FANCL: variants seen among roughly 807,000 people sequenced by gnomAD.
The protein encoded by FANCL is FA complementation group L.
FANCL carries 69 observed loss-of-function variants against 59.4 expected under a neutral mutation model. The observed-to-expected ratio is 1.16, with a 90% CI of 0.96 to 1.42. The LOEUF is 1.42. Ranked by LOEUF, FANCL falls within the 40% of genes most tolerant of loss-of-function variation. The pLI is 0.00. For missense variants in FANCL, 519 were observed against 447.2 expected, an observed-to-expected ratio of 1.16 and a Z score of -1.45; for synonymous variants, 180 against 147.1, an observed-to-expected ratio of 1.22 and a Z score of -1.62.
intron 5 of FANCL, among the ~76,000 whole-genome samples, chr2:58,213,337 A>G (rs1691368917): frequency 6.6e-6 from 1 of 152,222 alleles, no homozygotes; most frequent in African/African-American, 2.4e-5. Flanking sequence ...TTAGATCAGC[A>G]GGTCCTGAAA....
At chr2:58,185,539 A>T (rs1275132380) in intron 7 of FANCL, among the ~76,000 whole-genome samples, 2 of 152,298 alleles carry the variant, frequency 1.3e-5, no homozygotes, top group South Asian at 2.1e-4. Flanking sequence ...GGCTTATTCT[A>T]CTTCCTGAAT....
At chr2:58,198,463 G>C in intron 7 of FANCL, 131 bp downstream of exon 7, 1 of 686,778 alleles carries the variant, frequency 1.5e-6, no homozygotes, top group Non-Finnish European at 2.5e-6. Context: ...ATTTATATAA[G>C]AGATTTGGGT....
intron 7 of FANCL, among the ~76,000 whole-genome samples, chr2:58,173,517 T>C (rs907292901): frequency 1.3e-5 from 2 of 152,166 alleles, no homozygotes; most frequent in African/African-American, 4.8e-5. Flanking sequence ...CAACCCAGAA[T>C]TTCATATCCA....
At chr2:58,175,870 A>G (rs1226969625) in intron 7 of FANCL, among the ~76,000 whole-genome samples, 1 of 151,930 alleles carries the variant, frequency 6.6e-6, no homozygotes, top group East Asian at 1.9e-4. Context: ...ACATGATTGT[A>G]TATCTAGAAA....
At chr2:58,172,205 T>A (rs940270250) in intron 7 of FANCL, among the ~76,000 whole-genome samples, 1 of 152,224 alleles carries the variant, frequency 6.6e-6, no homozygotes, top group Non-Finnish European at 1.5e-5. Flanking sequence ...CAGTAACCTC[T>A]GCAGACTTAA....
At chr2:58,195,099 C>G (rs1257080434) in intron 7 of FANCL, among the ~76,000 whole-genome samples, 1 of 152,106 alleles carries the variant, frequency 6.6e-6, no homozygotes, top group South Asian at 2.1e-4. Context: ...ATTTATATTG[C>G]TTGAGAGACA....
chr2:58,159,733 C>T lies in FANCL; in HGVS notation c.*32G>A, dbSNP rs907003604. 1.9e-6 allele frequency: 3 copies of T among 1,612,466 alleles called. No homozygotes were observed. In the Admixed American group the frequency reaches 5.0e-5, roughly 27 times the overall value. On this transcript the variant is annotated 3_prime_UTR_variant, in exon 14 of 14. Coordinates refer to ENST00000233741, the MANE Select transcript of FANCL (RefSeq NM_018062.4). ...TTCCTTTTGATAATTTTTTAAGTTT[C>T]CAGCTCTTCACCGAAATGTTGTATT... is the stretch of plus-strand genomic sequence containing the variant.
At chr2:58,180,202 T>A (rs1360234463) in intron 7 of FANCL, among the ~76,000 whole-genome samples, 2 of 152,122 alleles carry the variant, frequency 1.3e-5, no homozygotes, top group Non-Finnish European at 2.9e-5. Flanking sequence ...TACTGTTTGA[T>A]CCAGCAATCC....
At chr2:58,233,788 GAGAAGACTTA>G (rs1357707320) in intron 1 of FANCL, among the ~76,000 whole-genome samples, 5 of 151,976 alleles carry the variant, frequency 3.3e-5, no homozygotes, top group Non-Finnish European at 7.4e-5. Context: ...GACCTACAAA[GAGAAGACTTA>G]ATGTGCATTA....
chr2:58,208,257 A>G (rs1385800071), intron 5 of FANCL, among the ~76,000 whole-genome samples: 1 of 152,230 alleles, frequency 6.6e-6, no homozygotes. Context: ...ATTTAGAAGG[A>G]GTTTAGATAT....
At chr2:58,218,659 T>C (rs1277449186) in intron 5 of FANCL, among the ~76,000 whole-genome samples, 1 of 151,564 alleles carries the variant, frequency 6.6e-6, no homozygotes, top group Non-Finnish European at 1.5e-5. Context: ...GTATAGTTGA[T>C]AAAGTTGTCA....
At position 58,159,357 on chromosome 2, in the gene FANCL, AAGG is replaced by A. The variant is rs1443972326; in HGVS notation, c.*405_*407del. Reference sequence around the variant, plus strand: ...ATGTATTTTTTCCATAGGAAAGCACAAGGAGAAGACAGAAATATCAAGAGTCTC... The same window carrying A: ...ATGTATTTTTTCCATAGGAAAGCACAAGAAGACAGAAATATCAAGAGTCTC... On this transcript the variant is annotated 3_prime_UTR_variant, in exon 14 of 14. Transcript: ENST00000233741. 2.5e-6 allele frequency: 4 copies of A among 1,602,364 alleles called. No homozygotes were observed. The highest frequency in any genetic ancestry group is 3.4e-6 in the Non-Finnish European group (4 of 1,176,038).
At chr2:58,181,552 C>T (rs848282) in intron 7 of FANCL, among the ~76,000 whole-genome samples, 108,831 of 151,940 alleles carry the variant, frequency 0.72, 40,095 homozygotes, top group African/African-American at 0.9. Context: ...GTATGCATGC[C>T]GATGACATAT....
intron 1 of FANCL, among the ~76,000 whole-genome samples, chr2:58,232,423 A>C (rs1693672362): frequency 6.6e-6 from 1 of 152,108 alleles, no homozygotes; most frequent in Non-Finnish European, 1.5e-5. Flanking sequence ...GGCCCATAGA[A>C]GAAATTTCAG....
chr2:58,241,074 T>G lies in FANCL; in HGVS notation c.96+144A>C, dbSNP rs1478826999. 8 of 813,484 alleles carry G rather than the reference T, an allele frequency of 9.8e-6. No homozygotes were observed. In the African/African-American group the frequency reaches 1.0e-4, roughly 10 times the overall value. The allele number at this position is 813,484 out of a possible 1,614,324, so 50.4% of individuals were successfully genotyped here. On this transcript the variant is annotated intron_variant, in intron 1 of 13. Transcript: ENST00000233741. ...CGGCGACAGCGGCGCTTCTCAAACC[T>G]TTAGTCTCCCAAGAGCCGTTACGCG...
At chr2:58,193,894 G>A (rs1489102650) in intron 7 of FANCL, among the ~76,000 whole-genome samples, 2 of 152,126 alleles carry the variant, frequency 1.3e-5, no homozygotes, top group East Asian at 3.8e-4. Flanking sequence ...TATGTGACTT[G>A]TCTGAATAAT....
chr2:58,204,510 A>C (rs562296631), intron 5 of FANCL, among the ~76,000 whole-genome samples: 4 of 152,024 alleles, frequency 2.6e-5, no homozygotes, highest in Non-Finnish European at 5.9e-5. Context: ...CCATCACTGG[A>C]ACCTTTGGCA....
intron 5 of FANCL, among the ~76,000 whole-genome samples, chr2:58,216,203 G>A (rs1210153393): frequency 6.6e-6 from 1 of 152,132 alleles, no homozygotes; most frequent in Non-Finnish European, 1.5e-5. Flanking sequence ...GACAGGAAGG[G>A]CAGCAATCAG....
rs145538828 is a variant in FANCL at position 58,211,638 on chromosome 2, A to G, written c.375-7412T>C. Among the ~76,000 whole-genome samples, 844 of 152,224 alleles carry G rather than the reference A, an allele frequency of 5.5e-3. 3 individuals are homozygous for G. Among genetic ancestry groups the G allele is most frequent in the African/African-American group, 0.019 (802 of 41,530 alleles). On this transcript the variant is annotated intron_variant, in intron 5 of 13. Transcript: ENST00000233741. ...TTTATTTTATGCTGTTTCCCTTTTA[A>G]AACTAAATGCTTTTAATAGCACCCA...
Sources: gnomAD v4.1 joint callset for allele counts (sites outside exome capture counted in the v4.1 genomes callset) on GRCh38, gnomAD v4.1.1 for gene constraint, MANE v1.5 for transcripts, NCBI Gene and HGNC (gene_info 2026-07-23, HGNC 2026-07-21) for gene names.